Variants in APP observed in about 807,000 individuals in gnomAD.
APP encodes the protein amyloid-beta precursor protein.
Under a neutral mutation model 101.4 loss-of-function variants are expected in APP, and 31 were observed. That is an observed-to-expected ratio of 0.31 (90% confidence interval 0.23 to 0.41). APP has a LOEUF of 0.41. Among genes scored for constraint, APP ranks in the 10% least tolerant of loss-of-function variants. APP has a pLI of 1.00. For synonymous variants in APP, 366 were observed against 364.4 expected, an observed-to-expected ratio of 1.00 and a Z score of -0.05; for missense variants, 839 against 1,003.7, an observed-to-expected ratio of 0.84 and a Z score of 2.22.
At chr21:26,144,098 C>A (rs2063104423) in intron 1 of APP, among the ~76,000 whole-genome samples, 1 of 151,990 alleles carries the variant, frequency 6.6e-6, no homozygotes, top group Non-Finnish European at 1.5e-5. Context: ...AGAAGAAGTG[C>A]CAAGCAAAAG....
intron 13 of APP, among the ~76,000 whole-genome samples, chr21:25,944,032 A>G (rs2040695999): frequency 6.8e-6 from 1 of 146,790 alleles, no homozygotes; most frequent in Non-Finnish European, 1.5e-5. Flanking sequence ...ACAAATTTCA[A>G]TGCCCCCCCC....
intron 13 of APP, among the ~76,000 whole-genome samples, chr21:25,950,584 G>A (rs1306731386): frequency 6.6e-6 from 1 of 152,058 alleles, no homozygotes; most frequent in African/African-American, 2.4e-5. Context: ...GTTTCACCAT[G>A]TTGGCCACGC....
At chr21:25,967,924 G>C (rs1196538356) in intron 11 of APP, among the ~76,000 whole-genome samples, 1 of 152,170 alleles carries the variant, frequency 6.6e-6, no homozygotes, top group Non-Finnish European at 1.5e-5. Flanking sequence ...CTGCAGTTCT[G>C]GAGAGGCATT....
At chr21:26,017,500 G>A (rs2044150311) in intron 6 of APP, among the ~76,000 whole-genome samples, 1 of 151,776 alleles carries the variant, frequency 6.6e-6, no homozygotes, top group Non-Finnish European at 1.5e-5. Flanking sequence ...TCAAAAATCT[G>A]CCAGTCTCCC....
At chr21:26,046,821 T>C (rs900762586) in intron 5 of APP, among the ~76,000 whole-genome samples, 8 of 152,214 alleles carry the variant, frequency 5.3e-5, no homozygotes, top group African/African-American at 1.9e-4. Flanking sequence ...GGAGCAGCTC[T>C]GCCTCCAGGG....
intron 3 of APP, among the ~76,000 whole-genome samples, chr21:26,056,154 C>A (rs1403518664): frequency 6.6e-6 from 1 of 152,188 alleles, no homozygotes; most frequent in Non-Finnish European, 1.5e-5. Flanking sequence ...CCTCCCACCT[C>A]AGCCTCCTGA....
chr21:26,050,756 G>A (rs574718625), intron 5 of APP, among the ~76,000 whole-genome samples: 1 of 152,152 alleles, frequency 6.6e-6, no homozygotes, highest in Non-Finnish European at 1.5e-5. Flanking sequence ...ATAGTTATCA[G>A]TGGGATTTTG....
chr21:26,002,325 G>A (rs1230732913), intron 6 of APP, among the ~76,000 whole-genome samples: 1 of 6,920 alleles, frequency 1.4e-4, no homozygotes, highest in Non-Finnish European at 3.1e-4. Context: ...TGCATCTACT[G>A]AAAGAGCAAC....
intron 3 of APP, among the ~76,000 whole-genome samples, chr21:26,086,423 CA>C (rs2061704476): frequency 6.6e-6 from 1 of 152,170 alleles, no homozygotes; most frequent in African/African-American, 2.4e-5. Flanking sequence ...AATCCAGTGC[CA>C]CACTGGATCC....
chr21:25,881,822 G>A, intron 17 of APP, 51 bp from the exon 18 acceptor site: 8 of 1,542,808 alleles, frequency 5.2e-6, no homozygotes, highest in Non-Finnish European at 7.1e-6. Context: ...ATCTTTTAAG[G>A]GTGAACATGG....
intron 11 of APP, among the ~76,000 whole-genome samples, chr21:25,973,211 T>C (rs998635850): frequency 1.3e-5 from 2 of 148,980 alleles, no homozygotes; most frequent in African/African-American, 5.0e-5. Flanking sequence ...ACTGGACAAA[T>C]AGCAAACAAA....
intron 3 of APP, among the ~76,000 whole-genome samples, chr21:26,085,556 A>G (rs1050407517): frequency 5.3e-5 from 8 of 152,176 alleles, no homozygotes; most frequent in Non-Finnish European, 1.0e-4. Flanking sequence ...AGTCTACAAT[A>G]AAAATGTTTT....
At chr21:26,082,991 A>G (rs1339583860) in intron 3 of APP, among the ~76,000 whole-genome samples, 1 of 152,258 alleles carries the variant, frequency 6.6e-6, no homozygotes, top group African/African-American at 2.4e-5. Context: ...ATTATTTTAA[A>G]TGGCCTTAAG....
intron 5 of APP, among the ~76,000 whole-genome samples, chr21:26,042,405 A>G (rs1423354871): frequency 6.6e-6 from 1 of 152,228 alleles, no homozygotes; most frequent in Non-Finnish European, 1.5e-5. Flanking sequence ...ACATGATTGA[A>G]TGACAAGTTT....
chr21:25,888,022 A>C (rs2037453524), intron 17 of APP, among the ~76,000 whole-genome samples: 2 of 152,054 alleles, frequency 1.3e-5, no homozygotes, highest in South Asian at 4.1e-4. Flanking sequence ...TTTCACTCTA[A>C]AAACAAAAAA....
chr21:26,107,808 T>A (rs1175408235), intron 2 of APP, among the ~76,000 whole-genome samples: 1 of 152,224 alleles, frequency 6.6e-6, no homozygotes. Flanking sequence ...ATTATGATTT[T>A]ACAAGCTTTT....
At position 25,932,719 on chromosome 21, in the gene APP, CAACTTGA is replaced by C. The variant is rs776836400; in HGVS notation, c.1688-20764_1688-20758del. Among the ~76,000 whole-genome samples, 5 of 151,108 alleles carry C rather than the reference CAACTTGA, an allele frequency of 3.3e-5. No individual in the cohort carries two copies. In the South Asian group the frequency reaches 1.0e-3, roughly 32 times the overall value. ...TTCCTTATCTGTTCTTAAAATGTTTCAACTTGAAACTAAAAAAGAAAAAAAAAAACAC... is the reference window on the plus strand; with the variant it reads ...TTCCTTATCTGTTCTTAAAATGTTTCAACTAAAAAAGAAAAAAAAAAACAC... On this transcript the variant is annotated intron_variant, in intron 13 of 17. Transcript: ENST00000346798.
At chr21:26,064,333 A>C (rs1041082596) in intron 3 of APP, among the ~76,000 whole-genome samples, 1 of 152,228 alleles carries the variant, frequency 6.6e-6, no homozygotes, top group Non-Finnish European at 1.5e-5. Flanking sequence ...ACAATAGGGA[A>C]AACTGGATGC....
intron 13 of APP, among the ~76,000 whole-genome samples, chr21:25,912,522 T>G (rs531693788): frequency 1.3e-5 from 2 of 152,188 alleles, no homozygotes; most frequent in Non-Finnish European, 2.9e-5. Context: ...ATTTCCTAAA[T>G]GCTCCTCTTG....
Sources: gnomAD v4.1 joint callset for allele counts (sites outside exome capture counted in the v4.1 genomes callset) on GRCh38, gnomAD v4.1.1 for gene constraint, MANE v1.5 for transcripts, NCBI Gene and HGNC (gene_info 2026-07-23, HGNC 2026-07-21) for gene names.